Variants in SLC35F1 observed in about 807,000 individuals in gnomAD.
The protein encoded by SLC35F1 is chromosome 6 open reading frame 169.
SLC35F1 carries 14 observed loss-of-function variants against 48.7 expected under a neutral mutation model. The ratio of observed to expected loss-of-function variants is 0.29; its 90% CI spans 0.19 to 0.45. The LOEUF (loss-of-function observed/expected upper bound fraction) is 0.45. SLC35F1 is among the 20% of genes least tolerant of loss of function. The pLI is 1.00. For missense variants in SLC35F1, 404 were observed against 500.0 expected, an observed-to-expected ratio of 0.81 and a Z score of 1.83; for synonymous variants, 190 against 202.2, an observed-to-expected ratio of 0.94 and a Z score of 0.51.
intron 1 of SLC35F1, 119 bp downstream of exon 1, chr6:117,908,018 G>A (rs1775715697): frequency 2.0e-6 from 2 of 995,810 alleles, no homozygotes; most frequent in Non-Finnish European, 2.6e-6. Context: ...GGCCGGAGGA[G>A]ACTGAGGAGA....
Position 118,277,485 on chromosome 6 carries a change from A to C in SLC35F1, c.795-9A>C. 1 of 1,613,592 alleles carries C rather than the reference A, an allele frequency of 6.2e-7. No individual in the cohort carries two copies. The highest frequency in any genetic ancestry group is 8.5e-7 in the Non-Finnish European group (1 of 1,179,616). The stretch of plus-strand genomic sequence containing the variant: ...TTGCTCATCAGGTTCATTTCCTTTG[A>C]ATTTGCAGAGCTATAATGGAGCATA... On this transcript the variant is annotated splice_polypyrimidine_tract_variant and intron_variant, in intron 5 of 7. Transcript: ENST00000360388.
At chr6:118,299,903 A>C (rs1210836840) in intron 7 of SLC35F1, among the ~76,000 whole-genome samples, 1 of 152,190 alleles carries the variant, frequency 6.6e-6, no homozygotes, top group Non-Finnish European at 1.5e-5. Flanking sequence ...ACATCTCTAA[A>C]CTATAGTTTT....
intron 1 of SLC35F1, among the ~76,000 whole-genome samples, chr6:118,127,200 A>C (rs1773639497): frequency 6.6e-6 from 1 of 151,656 alleles, no homozygotes; most frequent in African/African-American, 2.4e-5. Flanking sequence ...AGGGTTGTTG[A>C]ATTTTGTCAA....
intron 7 of SLC35F1, among the ~76,000 whole-genome samples, chr6:118,303,510 C>T (rs2114662836): frequency 6.6e-6 from 1 of 152,330 alleles, no homozygotes; most frequent in East Asian, 1.9e-4. Flanking sequence ...TACTGCTAAA[C>T]CTCCTAGTAG....
At position 117,972,616 on chromosome 6, in the gene SLC35F1, A is replaced by G. The variant is rs547349957; in HGVS notation, c.173+64717A>G. Among the ~76,000 whole-genome samples, 77 of 152,336 alleles carry G rather than the reference A, an allele frequency of 5.1e-4. 1 individual carries two copies. Among genetic ancestry groups the G allele is most frequent in the African/African-American group, 1.8e-3 (74 of 41,578 alleles). On this transcript the variant is annotated intron_variant, in intron 1 of 7. Transcript: ENST00000360388. Reference sequence around the variant, plus strand: ...AAGGAGGAGCAAAGACACATCTTACATGGTGGCAGGCAAGAGCGTGTACAG... The same window carrying G: ...AAGGAGGAGCAAAGACACATCTTACGTGGTGGCAGGCAAGAGCGTGTACAG...
rs776373334 is a variant in SLC35F1 at position 118,267,039 on chromosome 6, G to T, written c.522G>T (p.Trp174Cys). ...TCCCAGTCGTGATTTTGCTCTCCTG[G>T]TTCTTCCTGCTGATCCGGTACAAGG... The part of the protein sequence containing the change: ...FVIPVVILLS[W>C]FFLLIRYKAV... The change falls in exon 4 of 8, where the codon TGG (tryptophan) becomes TGT (cysteine). Residue 174 changes from tryptophan (W) to cysteine (C), a missense_variant. By Grantham distance (215) the Trp-to-Cys change is radical (BLOSUM62 -2). Around this residue, in one of 2 missense-constraint regions of SLC35F1, gnomAD observed 306 missense variants for 419.1 expected, o/e 0.73. Coordinates refer to ENST00000360388, the MANE Select transcript of SLC35F1 (RefSeq NM_001029858.4). 1 of 1,613,942 alleles carries T rather than the reference G, an allele frequency of 6.2e-7. No homozygotes were observed. Among genetic ancestry groups the T allele is most frequent in the South Asian group, 1.1e-5 (1 of 91,072 alleles).
At chr6:117,942,824 C>T (rs1250256222) in intron 1 of SLC35F1, among the ~76,000 whole-genome samples, 3 of 152,192 alleles carry the variant, frequency 2.0e-5, no homozygotes, top group Non-Finnish European at 4.4e-5. Flanking sequence ...AGCAAAATCA[C>T]ATTTGACGTT....
chr6:118,273,065 AAAT>A (rs1299455422), intron 4 of SLC35F1, among the ~76,000 whole-genome samples: 2 of 151,978 alleles, frequency 1.3e-5, no homozygotes, highest in Non-Finnish European at 2.9e-5. Context: ...AAATTATAAT[AAAT>A]AATATTTAAT....
intron 1 of SLC35F1, among the ~76,000 whole-genome samples, chr6:117,950,111 G>T (rs946042866): frequency 2.0e-5 from 3 of 152,096 alleles, no homozygotes; most frequent in Non-Finnish European, 4.4e-5. Context: ...GTTCTTTGGG[G>T]TGTTGTTTCT....
chr6:118,017,270 G>A (rs945322063), intron 1 of SLC35F1, among the ~76,000 whole-genome samples: 1 of 152,202 alleles, frequency 6.6e-6, no homozygotes, highest in Non-Finnish European at 1.5e-5. Flanking sequence ...GTGACCTGGG[G>A]TGTGGAATAA....
intron 1 of SLC35F1, among the ~76,000 whole-genome samples, chr6:118,070,906 A>ATATACATATACATAGTAAATATATATAC (rs1401494588): frequency 3.6e-4 from 2 of 5,552 alleles, no homozygotes; most frequent in Non-Finnish European, 8.7e-4. Context: ...TATATACTAT[A>ATATACATATACATAGTAAATATATATAC]TATATATACA....
chr6:118,099,077 T>C (rs1228506698), intron 1 of SLC35F1, among the ~76,000 whole-genome samples: 2 of 152,222 alleles, frequency 1.3e-5, no homozygotes, highest in Admixed American at 6.5e-5. Flanking sequence ...AGAAGAGATC[T>C]TGCTCATGGG....
At chr6:118,201,180 T>C (rs1201942585) in intron 2 of SLC35F1, among the ~76,000 whole-genome samples, 1 of 152,152 alleles carries the variant, frequency 6.6e-6, no homozygotes, top group African/African-American at 2.4e-5. Flanking sequence ...GTGAAATGCA[T>C]GGAGGAGCAT....
chr6:118,125,171 G>A (rs1167742769), intron 1 of SLC35F1, among the ~76,000 whole-genome samples: 1 of 152,090 alleles, frequency 6.6e-6, no homozygotes, highest in Non-Finnish European at 1.5e-5. Flanking sequence ...AATACAAGAA[G>A]AAAATGATAT....
chr6:118,109,598 T>A (rs1299696634), intron 1 of SLC35F1, among the ~76,000 whole-genome samples: 1 of 151,818 alleles, frequency 6.6e-6, no homozygotes, highest in Non-Finnish European at 1.5e-5. Flanking sequence ...ATGTTAGGAG[T>A]TCAACACCTA....
At chr6:118,145,250 T>C (rs1016223939) in intron 1 of SLC35F1, among the ~76,000 whole-genome samples, 4 of 152,218 alleles carry the variant, frequency 2.6e-5, no homozygotes, top group African/African-American at 9.6e-5. Context: ...CTTCTTTCGA[T>C]GAGTGACTCT....
At chr6:118,125,641 C>A (rs1231178213) in intron 1 of SLC35F1, among the ~76,000 whole-genome samples, 1 of 152,180 alleles carries the variant, frequency 6.6e-6, no homozygotes, top group South Asian at 2.1e-4. Context: ...AATAAGAGAA[C>A]TCCCAGATTC....
intron 2 of SLC35F1, among the ~76,000 whole-genome samples, chr6:118,204,063 T>C (rs556099481): frequency 6.6e-6 from 1 of 151,338 alleles, no homozygotes; most frequent in East Asian, 1.9e-4. Context: ...GCCTACTTTA[T>C]CTAGGATGGT....
chr6:117,994,915 A>G (rs1776965360), intron 1 of SLC35F1, among the ~76,000 whole-genome samples: 1 of 152,214 alleles, frequency 6.6e-6, no homozygotes, highest in African/African-American at 2.4e-5. Context: ...TTAAAATGTT[A>G]TTGCGAAGTA....
Sources: gnomAD v4.1 joint callset for allele counts (sites outside exome capture counted in the v4.1 genomes callset) on GRCh38, gnomAD v4.1.1 for gene constraint, gnomAD v4.1.1 regional missense constraint, MANE v1.5 for transcripts, NCBI Gene and HGNC (gene_info 2026-07-23, HGNC 2026-07-21) for gene names.